Variants in SBF2 observed in about 807,000 individuals in gnomAD.
SBF2 encodes the protein myotubularin-related protein 13.
In SBF2, 112 loss-of-function variants were observed where a neutral mutation model predicts 225.2. The observed-to-expected ratio is 0.50, with a 90% CI of 0.43 to 0.58. The LOEUF (loss-of-function observed/expected upper bound fraction) is 0.58, where lower values mean the gene tolerates loss of function less well. Ranked by LOEUF, SBF2 falls within the 20% of genes least tolerant of loss-of-function variation. The pLI, the probability that SBF2 is intolerant of heterozygous loss-of-function variation, is 0.00. For synonymous variants in SBF2, 763 were observed against 773.3 expected (o/e 0.99, Z 0.22); for missense variants, 1,996 against 2,206.2 (o/e 0.90, Z 1.91).
chr11:9,810,642 C>A (rs1424172531), intron 30 of SBF2: 1 of 152,154 alleles, frequency 6.6e-6, no homozygotes, highest in Non-Finnish European at 1.5e-5. Context: ...ATAGCTATCA[C>A]CAGGCCTGAA....
chr11:10,188,983 T>C (rs919540864), intron 2 of SBF2, among the ~76,000 whole-genome samples: 4 of 152,254 alleles, frequency 2.6e-5, no homozygotes, highest in African/African-American at 9.6e-5. Context: ...TCAAGAGTCC[T>C]TCCACACACG....
At chr11:10,224,812 T>A (rs1193583171) in intron 1 of SBF2, among the ~76,000 whole-genome samples, 1 of 152,196 alleles carries the variant, frequency 6.6e-6, no homozygotes, top group Non-Finnish European at 1.5e-5. Context: ...AATTGCTTAA[T>A]TATGGTGTTG....
intron 13 of SBF2, among the ~76,000 whole-genome samples, chr11:9,978,210 C>A (rs1160268362): frequency 6.6e-6 from 1 of 152,130 alleles, no homozygotes; most frequent in African/African-American, 2.4e-5. Flanking sequence ...AAGAAAGTAA[C>A]TTTACTATCA....
chr11:10,161,713 TG>T (rs1425995714), intron 2 of SBF2, among the ~76,000 whole-genome samples: 1 of 151,042 alleles, frequency 6.6e-6, no homozygotes, highest in Non-Finnish European at 1.5e-5. Context: ...AGGGTGGGCG[TG>T]GTGGCTCACG....
intron 28 of SBF2, among the ~76,000 whole-genome samples, chr11:9,822,482 G>A (rs1483211668): frequency 1.3e-5 from 2 of 151,990 alleles, no homozygotes; most frequent in South Asian, 2.1e-4. Context: ...GGATGGTCTC[G>A]ATCTCCTGAC....
chr11:10,250,059 C>G (rs563213141), intron 1 of SBF2, among the ~76,000 whole-genome samples: 1 of 152,062 alleles, frequency 6.6e-6, no homozygotes, highest in African/African-American at 2.4e-5. Flanking sequence ...AATTCTAATA[C>G]GTCTGAGTAT....
At chr11:9,997,178 G>A (rs1357782879) in intron 9 of SBF2, among the ~76,000 whole-genome samples, 1 of 136,550 alleles carries the variant, frequency 7.3e-6, no homozygotes, top group African/African-American at 2.5e-5. Flanking sequence ...TATTTAAGAG[G>A]GGAAAAAATG....
intron 17 of SBF2, among the ~76,000 whole-genome samples, chr11:9,860,219 A>AACAATTGT (rs1321339879): frequency 6.6e-6 from 1 of 151,792 alleles, no homozygotes; most frequent in African/African-American, 2.4e-5. Context: ...TGTAAGGACC[A>AACAATTGT]ACAATTGTTT....
At position 10,045,171 on chromosome 11, in the gene SBF2, C is replaced by CT. The variant is rs59755660; in HGVS notation, c.142-2191dup. Among the ~76,000 whole-genome samples, 262 of 141,744 alleles carry CT rather than the reference C, an allele frequency of 1.8e-3. 1 individual carries two copies. In the South Asian group the frequency reaches 0.02, roughly 11 times the overall value. The allele number at this position is 141,744 out of a possible 152,430, so 93.0% of individuals were successfully genotyped here. The stretch of plus-strand genomic sequence containing the variant: ...GTTTTTGTGACTATCTATTGCTTTT[C>CT]TTTTTTTTTTTTTTTGAGATGAGTC... On this transcript the variant is annotated intron_variant, in intron 2 of 39. Coordinates refer to ENST00000256190, the MANE Select transcript of SBF2 (RefSeq NM_030962.4).
intron 17 of SBF2, among the ~76,000 whole-genome samples, chr11:9,891,654 T>G (rs888672524): frequency 3.9e-5 from 6 of 152,318 alleles, no homozygotes; most frequent in Admixed American, 3.9e-4. Flanking sequence ...AAAGTAATCC[T>G]AAGAATTTAA....
At chr11:10,019,040 T>C (rs1174329523) in intron 6 of SBF2, among the ~76,000 whole-genome samples, 1 of 152,198 alleles carries the variant, frequency 6.6e-6, no homozygotes, top group Non-Finnish European at 1.5e-5. Context: ...TATATTCTAC[T>C]ATAGTTTTAA....
At chr11:9,869,521 G>C (rs993096572) in intron 17 of SBF2, among the ~76,000 whole-genome samples, 1 of 152,134 alleles carries the variant, frequency 6.6e-6, no homozygotes, top group Non-Finnish European at 1.5e-5. Flanking sequence ...GTTTCGCCAT[G>C]TTGGCCAGGC....
intron 1 of SBF2, among the ~76,000 whole-genome samples, chr11:10,196,869 T>A (rs1439373623): frequency 9.3e-5 from 13 of 139,976 alleles, no homozygotes; most frequent in South Asian, 4.5e-4. Flanking sequence ...TATATATATT[T>A]TTTTTTTCCT....
chr11:9,870,614 AATT>A (rs1244526650), intron 17 of SBF2, among the ~76,000 whole-genome samples: 2 of 152,190 alleles, frequency 1.3e-5, no homozygotes, highest in African/African-American at 4.8e-5. Flanking sequence ...AGGGATTTCC[AATT>A]AATAAATGGT....
Position 10,030,618 on chromosome 11 carries a change from T to C in SBF2, c.402+430A>G, listed in dbSNP as rs546012352. The stretch of plus-strand genomic sequence containing the variant: ...AACAAGAAAATACCTGGAAGCAATA[T>C]TTTAAGACTATTTTGACAGAAGTAT... On this transcript the variant is annotated intron_variant, in intron 4 of 39. Coordinates refer to ENST00000256190, the MANE Select transcript of SBF2 (RefSeq NM_030962.4). Among the ~76,000 whole-genome samples, 4 of 152,314 alleles carry C rather than the reference T, an allele frequency of 2.6e-5. No homozygotes were observed. The South Asian group carries it at 8.3e-4, about 32-fold the overall frequency.
upstream of SBF2, chr11:10,294,290 G>A (rs1198303044): frequency 5.5e-6 from 2 of 361,894 alleles, no homozygotes; most frequent in East Asian, 4.2e-5. Flanking sequence ...CCCCAAGCCC[G>A]GGCGGCGAGC....
At chr11:10,005,649 T>A (rs1159289474) in intron 6 of SBF2, among the ~76,000 whole-genome samples, 1 of 152,160 alleles carries the variant, frequency 6.6e-6, no homozygotes, top group Non-Finnish European at 1.5e-5. Context: ...CAGACCTCTA[T>A]GGATTTGCTG....
intron 32 of SBF2, among the ~76,000 whole-genome samples, chr11:9,798,366 G>C (rs1853263384): frequency 6.6e-6 from 1 of 152,178 alleles, no homozygotes; most frequent in African/African-American, 2.4e-5. Context: ...ACCCCAAGGA[G>C]CCAGTGATGG....
At chr11:9,822,258 CTTTTTTTTT>C (rs1210806960) in intron 28 of SBF2, among the ~76,000 whole-genome samples, 1 of 129,416 alleles carries the variant, frequency 7.7e-6, no homozygotes, top group Non-Finnish European at 1.7e-5. Context: ...TAACTAAACT[CTTTTTTTTT>C]TTTTTTTTTT....
Sources: allele counts gnomAD v4.1 joint callset (sites outside exome capture counted in the v4.1 genomes callset), GRCh38; gene constraint gnomAD v4.1.1; transcripts MANE v1.5; gene names NCBI Gene and HGNC (gene_info 2026-07-23, HGNC 2026-07-21).